Variants in LMF1 observed in about 807,000 individuals in gnomAD.
The protein encoded by LMF1 is transmembrane protein 112.
In LMF1, 68 loss-of-function variants were observed where a neutral mutation model predicts 60.6. The ratio of observed to expected loss-of-function variants is 1.12; its 90% confidence interval spans 0.92 to 1.37. The LOEUF is 1.37. Ranked by LOEUF, LMF1 falls within the 40% of genes most tolerant of loss-of-function variation. The pLI, the probability that LMF1 is intolerant of heterozygous loss-of-function variation, is 0.00. For synonymous variants in LMF1, 418 were observed against 324.7 expected, an observed-to-expected ratio of 1.29 and a Z score of -3.09; for missense variants, 948 against 767.2, an observed-to-expected ratio of 1.24 and a Z score of -2.78.
chr16:879,880 A>C, intron 5 of LMF1, 143 bp from the exon 6 acceptor site: 1 of 747,038 alleles, frequency 1.3e-6, no homozygotes, highest in Non-Finnish European at 2.2e-6. Context: ...GCACACGTGG[A>C]GCCCACCTGC....
chr16:936,719 T>C (rs1368617927), intron 2 of LMF1, among the ~76,000 whole-genome samples: 1 of 152,204 alleles, frequency 6.6e-6, no homozygotes, highest in African/African-American at 2.4e-5. Context: ...AGAAATAAAT[T>C]TACCCCCAAA....
intron 7 of LMF1, 128 bp downstream of exon 7, chr16:871,033 G>A (rs899090428): frequency 5.1e-5 from 71 of 1,389,392 alleles, no homozygotes; most frequent in East Asian, 1.3e-4. Flanking sequence ...TTCCTGGCAC[G>A]CTACACTGCG....
At chr16:931,701 G>A (rs758276434) in intron 3 of LMF1, 62 of 1,287,208 alleles carry the variant, frequency 4.8e-5, no homozygotes, top group South Asian at 3.6e-4. Context: ...GTTCAAAGAC[G>A]CATGGCTGCT....
intron 2 of LMF1, among the ~76,000 whole-genome samples, chr16:953,151 A>C (rs369313572): frequency 2.3e-4 from 28 of 120,670 alleles, no homozygotes; most frequent in African/African-American, 6.1e-4. Flanking sequence ...ACCCACCCCA[A>C]ACCAGCCTCC....
intron 3 of LMF1, among the ~76,000 whole-genome samples, chr16:929,337 C>T (rs2151779523): frequency 6.6e-6 from 1 of 152,356 alleles, no homozygotes; most frequent in Middle Eastern, 3.4e-3. Context: ...GCATGGCGCC[C>T]CATGGGGGAC....
intron 4 of LMF1, among the ~76,000 whole-genome samples, chr16:905,731 T>A (rs1418047570): frequency 6.6e-6 from 1 of 151,072 alleles, no homozygotes; most frequent in African/African-American, 2.4e-5. Flanking sequence ...CTCGGTGGTG[T>A]CTTTTGAAGA....
At chr16:923,259 T>C (rs2071495060) in intron 3 of LMF1, among the ~76,000 whole-genome samples, 1 of 152,194 alleles carries the variant, frequency 6.6e-6, no homozygotes, top group Non-Finnish European at 1.5e-5. Context: ...GGGGCGGATG[T>C]GGCAGCTGCT....
At chr16:913,184 G>A (rs919596909) in intron 3 of LMF1, among the ~76,000 whole-genome samples, 6 of 152,342 alleles carry the variant, frequency 3.9e-5, no homozygotes, top group African/African-American at 9.6e-5. Context: ...GGACGGCTCC[G>A]GGAGGGCCCC....
intron 5 of LMF1, among the ~76,000 whole-genome samples, chr16:885,592 G>A (rs562859414): frequency 1.6e-4 from 25 of 152,268 alleles, no homozygotes; most frequent in African/African-American, 5.5e-4. Context: ...ACTGGCCACC[G>A]TCACACCAGA....
rs772316820 is a variant in LMF1, at chr16:937,372, T to C, written c.504-3118A>G. 1.4e-4 allele frequency among the ~76,000 whole-genome samples: 21 copies of C among 152,336 alleles called. 1 individual carries two copies. The highest frequency in any genetic ancestry group is 5.9e-4 in the Admixed American group (9 of 15,304). ...AAGTCCTTTCCTGGACAGTGGGACG[T>C]AGATTTTGCTTTTGGATGGTCGGGG... is the stretch of plus-strand genomic sequence containing the variant. On this transcript the variant is annotated intron_variant, in intron 2 of 10. Coordinates refer to ENST00000262301, the MANE Select transcript of LMF1 (RefSeq NM_022773.4).
rs554584620 is a variant in LMF1, at chr16:944,799, G to A, written c.503+9558C>T. ...CTTGCTGAAGTCTCGCCCTGTCTAC[G>A]GCCCCAGTGCCCTAAACACCCCATC... is the stretch of plus-strand genomic sequence containing the variant. On this transcript the variant is annotated intron_variant, in intron 2 of 10. Coordinates refer to ENST00000262301, the MANE Select transcript of LMF1 (RefSeq NM_022773.4). Among the ~76,000 whole-genome samples, 16 of 152,168 alleles carry A rather than the reference G, an allele frequency of 1.1e-4. No homozygotes were observed. The South Asian group carries it at 2.7e-3, about 26-fold the overall frequency.
chr16:951,997 G>C (rs1312034221), intron 2 of LMF1, among the ~76,000 whole-genome samples: 1 of 151,882 alleles, frequency 6.6e-6, no homozygotes, highest in South Asian at 2.1e-4. Context: ...TCCCGTGAGA[G>C]CGCCTGACCC....
rs552163638 is a variant in LMF1 at position 920,658 on chromosome 16, G to A, written c.515-9579C>T. Among the ~76,000 whole-genome samples, 7 of 152,304 alleles carry A rather than the reference G, an allele frequency of 4.6e-5. No homozygotes were observed. The South Asian group carries it at 1.5e-3, about 32-fold the overall frequency. On this transcript the variant is annotated intron_variant, in intron 3 of 10. Transcript: ENST00000262301. ...CCATGTCCGTGGAGCCACAGGAGAG[G>A]AGAAAGAACATGGGGCAACCCCCCC...
intron 10 of LMF1, among the ~76,000 whole-genome samples, chr16:868,427 C>A (rs1166780915): frequency 2.0e-5 from 3 of 152,178 alleles, no homozygotes; most frequent in Admixed American, 2.0e-4. Context: ...CCCATGGCTA[C>A]CACCTCTGGC....
intron 2 of LMF1, chr16:947,716 T>C (rs1037244370): frequency 7.8e-6 from 3 of 385,850 alleles, no homozygotes; most frequent in Middle Eastern, 7.5e-4. Flanking sequence ...CAAAGCAGCC[T>C]GCAGGGCCAC....
intron 2 of LMF1, chr16:947,504 C>G (rs1301108685): frequency 2.2e-6 from 1 of 456,108 alleles, no homozygotes; most frequent in South Asian, 1.5e-5. Flanking sequence ...CCCTCCAGCC[C>G]TGGCGCTGCT....
chr16:853,936 T>G lies in LMF1; in HGVS notation c.*596A>C, dbSNP rs1466966274. 2.2e-6 allele frequency: 1 copy of G among 453,906 alleles called. No individual in the cohort carries two copies. The highest frequency in any genetic ancestry group is 2.0e-5 in the African/African-American group (1 of 49,950). 28.1% of individuals were successfully genotyped at this position (453,906 alleles called of 1,614,324 possible). A position where few individuals can be genotyped will look rare whatever the true frequency, so the allele number is the denominator to read the frequency against. ...TGCACAGGCTGTGTGTGCCTGCATG[T>G]GTGGGATGCGTGTAGGCTGTGGCGG... On this transcript the variant is annotated 3_prime_UTR_variant, in exon 11 of 11. Transcript: ENST00000262301.
chr16:958,074 C>A (rs142057009), intron 1 of LMF1, among the ~76,000 whole-genome samples: 44 of 152,318 alleles, frequency 2.9e-4, no homozygotes, highest in Admixed American at 7.8e-4. Flanking sequence ...ACACACTTCA[C>A]ACCTTACACA....
chr16:913,854 C>T (rs540481237), intron 3 of LMF1, among the ~76,000 whole-genome samples: 2 of 152,338 alleles, frequency 1.3e-5, no homozygotes, highest in African/African-American at 2.4e-5. Flanking sequence ...TGGGGCAGCC[C>T]GAGGCACATG....
Sources: allele counts gnomAD v4.1 joint callset (sites outside exome capture counted in the v4.1 genomes callset), GRCh38; gene constraint gnomAD v4.1.1; transcripts MANE v1.5; gene names NCBI Gene and HGNC (gene_info 2026-07-23, HGNC 2026-07-21).